ENOX2: variants seen among roughly 807,000 people sequenced by gnomAD.
The protein encoded by ENOX2 is APK1 antigen.
A neutral mutation model predicts 45.0 loss-of-function variants in ENOX2; 36 were observed. The ratio of observed to expected loss-of-function variants is 0.80; its 90% confidence interval spans 0.61 to 1.06. ENOX2 has a LOEUF of 1.06. Among genes scored for constraint, ENOX2 ranks in the 50% least tolerant of loss-of-function variants. ENOX2 has a pLI of 0.00. For missense variants in ENOX2, 423 were observed against 462.5 expected, an observed-to-expected ratio of 0.91 and a Z score of 0.78; for synonymous variants, 174 against 152.3, an observed-to-expected ratio of 1.14 and a Z score of -1.05.
At chrX:130,637,630 A>G (rs145356904) in intron 10 of ENOX2, among the ~76,000 whole-genome samples, 1 of 111,422 alleles carries the variant, frequency 9.0e-6, no homozygotes, top group South Asian at 3.8e-4. Context: ...CTCCACCTCA[A>G]ATATAACTAA....
intron 10 of ENOX2, among the ~76,000 whole-genome samples, chrX:130,646,662 G>T (rs758023627): frequency 8.9e-6 from 1 of 112,330 alleles, no homozygotes; most frequent in Non-Finnish European, 1.9e-5. Context: ...GTTCGTTGGG[G>T]ACTGGTGTCA....
intron 2 of ENOX2, among the ~76,000 whole-genome samples, chrX:130,803,937 G>C (rs2077260157): frequency 9.0e-6 from 1 of 111,400 alleles, no homozygotes; most frequent in African/African-American, 3.3e-5. Context: ...TTTCACAGAG[G>C]ATAGAGATCA....
At chrX:130,874,375 G>T (rs2078654772) in intron 2 of ENOX2, among the ~76,000 whole-genome samples, 1 of 112,247 alleles carries the variant, frequency 8.9e-6, no homozygotes, top group Admixed American at 9.4e-5. Flanking sequence ...GGAAGAAAGG[G>T]CAAAAGCCAA....
intron 3 of ENOX2, among the ~76,000 whole-genome samples, chrX:130,762,242 T>C (rs1293336817): frequency 8.9e-6 from 1 of 112,041 alleles, no homozygotes; most frequent in East Asian, 2.8e-4. Context: ...CCCATAAATT[T>C]TGATATGTTG....
chrX:130,796,530 A>G (rs1403156102), intron 2 of ENOX2, among the ~76,000 whole-genome samples: 1 of 112,331 alleles, frequency 8.9e-6, no homozygotes, highest in African/African-American at 3.2e-5. Flanking sequence ...TCAGAAAAAA[A>G]GTATAATTGT....
intron 1 of ENOX2, among the ~76,000 whole-genome samples, chrX:130,902,832 A>G (rs1014518730): frequency 1.9e-5 from 2 of 106,150 alleles, no homozygotes; most frequent in Non-Finnish European, 1.9e-5. Context: ...AAAAAAAAAA[A>G]AGAGCAAAGA....
chrX:130,651,528 TC>T (rs2148070478), intron 10 of ENOX2, among the ~76,000 whole-genome samples: 1 of 111,786 alleles, frequency 8.9e-6, no homozygotes, highest in South Asian at 3.8e-4. Flanking sequence ...ACCATGCCAA[TC>T]CCCAACTCAC....
At chrX:130,713,106 T>A (rs190838688) in intron 3 of ENOX2, among the ~76,000 whole-genome samples, 1 of 112,551 alleles carries the variant, frequency 8.9e-6, no homozygotes, top group East Asian at 2.8e-4. Context: ...GGAATTCAAA[T>A]TCAGGAAGTA....
intron 12 of ENOX2, among the ~76,000 whole-genome samples, chrX:130,633,782 G>C (rs957684309): frequency 8.9e-6 from 1 of 112,360 alleles, no homozygotes. Flanking sequence ...ATTTTATGCA[G>C]GAAGCAAAAC....
chrX:130,663,268 C>T (rs922702450), intron 9 of ENOX2, among the ~76,000 whole-genome samples: 4 of 111,985 alleles, frequency 3.6e-5, no homozygotes, highest in Admixed American at 9.4e-5. Context: ...TGGTGGCTCA[C>T]GCCTATAATC....
At chrX:130,821,710 AAAAAT>A (rs1467701926) in intron 2 of ENOX2, among the ~76,000 whole-genome samples, 10 of 94,826 alleles carry the variant, frequency 1.1e-4, no homozygotes, top group Non-Finnish European at 2.1e-4. Context: ...AAATTAAAAA[AAAAAT>A]AAATAAATAA....
intron 10 of ENOX2, among the ~76,000 whole-genome samples, chrX:130,643,850 G>A (rs1178910782): frequency 8.9e-6 from 1 of 111,958 alleles, no homozygotes; most frequent in East Asian, 2.8e-4. Context: ...TAATTACCAT[G>A]TATAGACTAT....
At chrX:130,829,657 G>C (rs2077784091) in intron 2 of ENOX2, among the ~76,000 whole-genome samples, 1 of 111,466 alleles carries the variant, frequency 9.0e-6, no homozygotes, top group Admixed American at 9.5e-5. Flanking sequence ...GCCAGAAACT[G>C]TTCTAGGAGC....
intron 2 of ENOX2, among the ~76,000 whole-genome samples, chrX:130,798,413 C>A (rs1470354213): frequency 8.9e-6 from 1 of 112,234 alleles, no homozygotes; most frequent in African/African-American, 3.2e-5. Flanking sequence ...AAGTTCAAAC[C>A]AGGTAACACT....
intron 3 of ENOX2, among the ~76,000 whole-genome samples, chrX:130,704,637 A>G: frequency 9.0e-6 from 1 of 111,629 alleles, no homozygotes; most frequent in Non-Finnish European, 1.9e-5. Flanking sequence ...ATCAGGGCTG[A>G]CTCTTGCCAG....
At chrX:130,693,278 C>T (rs947064867) in intron 4 of ENOX2, among the ~76,000 whole-genome samples, 32 of 112,402 alleles carry the variant, frequency 2.8e-4, no homozygotes, top group African/African-American at 1.0e-3. Context: ...GAAACAACCA[C>T]GCAAACAGTT....
intron 10 of ENOX2, among the ~76,000 whole-genome samples, chrX:130,651,769 A>G (rs2036407852): frequency 8.9e-6 from 1 of 111,746 alleles, no homozygotes; most frequent in Non-Finnish European, 1.9e-5. Context: ...ACAATCTCTT[A>G]GTATATGGAG....
At chrX:130,814,088 G>A (rs1288625259) in intron 2 of ENOX2, among the ~76,000 whole-genome samples, 1 of 112,008 alleles carries the variant, frequency 8.9e-6, no homozygotes, top group Admixed American at 9.4e-5. Context: ...TGAGACTTGA[G>A]TAGGTGGTTT....
intron 2 of ENOX2, among the ~76,000 whole-genome samples, chrX:130,784,675 C>A (rs1200732836): frequency 9.4e-6 from 1 of 106,244 alleles, no homozygotes; most frequent in Middle Eastern, 4.7e-3. Flanking sequence ...GCAACCCCCA[C>A]CTCCCGGGTT....
Sources: allele counts gnomAD v4.1 joint callset (sites outside exome capture counted in the v4.1 genomes callset), GRCh38; gene constraint gnomAD v4.1.1; transcripts MANE v1.5; gene names NCBI Gene and HGNC (gene_info 2026-07-23, HGNC 2026-07-21).